The following SRP72 variants were observed in gnomAD, a reference collection of about 807,000 sequenced individuals.
The protein encoded by SRP72 is signal recognition particle 72, also known as signal recognition particle subunit SRP72.
In SRP72, 49 loss-of-function variants were observed where a neutral mutation model predicts 96.3. The observed-to-expected ratio is 0.51, with a 90% confidence interval of 0.40 to 0.65. The LOEUF (loss-of-function observed/expected upper bound fraction) is 0.65. Among genes scored for constraint, SRP72 ranks in the 30% least tolerant of loss-of-function variants. The probability of loss-of-function intolerance (pLI) is 0.00; values close to 1 mark genes in which losing one functional copy is unlikely to be tolerated. For missense variants in SRP72, 736 were observed against 793.3 expected (o/e 0.93, Z 0.87); for synonymous variants, 267 against 275.2 (o/e 0.97, Z 0.30).
chr4:56,502,841 C>A lies in SRP72; in HGVS notation c.*980C>A, dbSNP rs1721315644. On this transcript the variant is annotated 3_prime_UTR_variant, in exon 19 of 19. Coordinates refer to ENST00000642900, the MANE Select transcript of SRP72 (RefSeq NM_006947.4). Reference sequence around the variant, plus strand: ...GTCTCCTTCTGGTTATGGATTTTGACCATTGATTACCTTTCTCAATGTAAT... The same window carrying A: ...GTCTCCTTCTGGTTATGGATTTTGAACATTGATTACCTTTCTCAATGTAAT... 1 of 152,052 alleles carries A rather than the reference C, an allele frequency of 6.6e-6. No homozygotes were observed. The highest frequency in any genetic ancestry group is 6.6e-5 in the Admixed American group (1 of 15,256). The allele number at this position is 152,052 out of a possible 1,614,324, so 9.4% of individuals were successfully genotyped here. A position where few individuals can be genotyped will look rare whatever the true frequency, so the allele number is the denominator to read the frequency against.
intron 5 of SRP72, chr4:56,475,978 A>G (rs1720203717): frequency 1.3e-5 from 2 of 152,306 alleles, no homozygotes; most frequent in African/African-American, 4.8e-5. Flanking sequence ...TACAGTCACT[A>G]CAACCAATAA....
At chr4:56,497,497 G>A (rs1037673168) in intron 17 of SRP72, among the ~76,000 whole-genome samples, 1 of 152,052 alleles carries the variant, frequency 6.6e-6, no homozygotes, top group African/African-American at 2.4e-5. Context: ...GGGATTACAG[G>A]CGTGAGCCAC....
chr4:56,474,509 C>A, intron 5 of SRP72, 118 bp downstream of exon 5: 1 of 840,150 alleles, frequency 1.2e-6, no homozygotes, highest in Non-Finnish European at 1.8e-6. Context: ...GATGCAGTGA[C>A]AATTTCTCCA....
intron 16 of SRP72, among the ~76,000 whole-genome samples, chr4:56,494,831 A>T (rs796148649): frequency 5.3e-5 from 8 of 152,338 alleles, no homozygotes; most frequent in African/African-American, 1.9e-4. Flanking sequence ...CAGGTTTAAA[A>T]TACAAAAGAT....
chr4:56,487,957 T>G lies in SRP72; in HGVS notation c.1168T>G (p.Ser390Ala). 1 of 1,599,710 alleles carries G rather than the reference T, an allele frequency of 6.3e-7. No individual in the cohort carries two copies. The highest frequency in any genetic ancestry group is 8.5e-7 in the Non-Finnish European group (1 of 1,175,442). The change falls in exon 12 of 19, where the codon TCT (serine) becomes GCT (alanine). Residue 390 changes from serine to alanine, a missense_variant. By Grantham distance (99) the Ser-to-Ala change is moderately conservative. This residue lies in a region of SRP72 where 388 missense variants were observed against 431.8 expected (regional missense o/e 0.90). Coordinates refer to ENST00000642900, the MANE Select transcript of SRP72 (RefSeq NM_006947.4). ...TTGTTTATTCTCCTAAGGTAATATT[T>G]CTAAAGCATGTCTAATATTGAGAAG... Reference protein sequence around the residue: ...AQLKISQGNISKACLILRSIE... With the variant: ...AQLKISQGNIAKACLILRSIE...
intron 3 of SRP72, 47 bp downstream of exon 3, chr4:56,471,890 A>G (rs1719994175): frequency 1.2e-6 from 2 of 1,606,214 alleles, no homozygotes; most frequent in Non-Finnish European, 1.7e-6. Flanking sequence ...CTGAGTGAGC[A>G]TGACTACCTC....
chr4:56,489,085 T>G (rs369486797), intron 12 of SRP72: 1 of 225,548 alleles, frequency 4.4e-6, no homozygotes, highest in Non-Finnish European at 8.7e-6. Context: ...CAGTGTCTTA[T>G]TGTAGAAACA....
chr4:56,476,596 T>A, intron 5 of SRP72, 75 bp from the exon 6 acceptor site: 1 of 1,486,276 alleles, frequency 6.7e-7, no homozygotes, highest in Non-Finnish European at 9.3e-7. Flanking sequence ...GGAATTTAGA[T>A]CTTGCTCTTT....
At chr4:56,485,673 A>G (rs1274192029) in intron 10 of SRP72, among the ~76,000 whole-genome samples, 1 of 152,038 alleles carries the variant, frequency 6.6e-6, no homozygotes, top group African/African-American at 2.4e-5. Flanking sequence ...ATGGTGGCGC[A>G]TTCCTGTAAT....
chr4:56,491,079 G>A (rs1351062343), intron 15 of SRP72, among the ~76,000 whole-genome samples: 1 of 152,160 alleles, frequency 6.6e-6, no homozygotes. Flanking sequence ...ATCAGAGTGT[G>A]TTCCCAAAAC....
rs758030928 is a variant in SRP72 at position 56,467,651 on chromosome 4, A to C, written c.16A>C (p.Ser6Arg). MASGGSGGVSVPALWS... is the reference protein window; with the variant it reads MASGGRGGVSVPALWS... Reference sequence around the variant, plus strand: ...CTCCTCCAAGATGGCGAGCGGCGGCAGCGGGGGGGTGTCAGTACCTGCGCT... The same window carrying C: ...CTCCTCCAAGATGGCGAGCGGCGGCCGCGGGGGGGTGTCAGTACCTGCGCT... Residue 6 changes from serine (S) to arginine (R), a missense_variant, in exon 1 of 19, where the codon AGC (serine) becomes CGC (arginine). Ser to Arg is a moderately radical substitution (Grantham distance 110, BLOSUM62 -1). This residue lies in a region of SRP72 where 329 missense variants were observed against 319.0 expected (regional missense o/e 1.03). Transcript: ENST00000642900. 6 of 1,558,992 alleles carry C rather than the reference A, an allele frequency of 3.8e-6. No homozygotes were observed. The South Asian group carries it at 7.0e-5, about 18-fold the overall frequency.
chr4:56,468,724 G>A (rs911100106), intron 1 of SRP72, among the ~76,000 whole-genome samples: 2 of 152,142 alleles, frequency 1.3e-5, no homozygotes, highest in Non-Finnish European at 2.9e-5. Flanking sequence ...TTCAGACATT[G>A]AGGAAAATAG....
intron 17 of SRP72, among the ~76,000 whole-genome samples, chr4:56,495,716 T>C (rs1386023431): frequency 6.6e-6 from 1 of 152,198 alleles, no homozygotes; most frequent in East Asian, 1.9e-4. Context: ...GTAAAGTTCT[T>C]AGAGTGGTGC....
At chr4:56,483,447 T>C (rs1476930183) in intron 9 of SRP72, among the ~76,000 whole-genome samples, 177 bp downstream of exon 9, 1 of 152,166 alleles carries the variant, frequency 6.6e-6, no homozygotes, top group Non-Finnish European at 1.5e-5. Flanking sequence ...GCACAATGGC[T>C]CATGCCTGTA....
In SRP72 at chr4:56,502,069, A is replaced by G. The variant is rs906422954; in HGVS notation, c.*208A>G. On this transcript the variant is annotated 3_prime_UTR_variant, in exon 19 of 19. Coordinates refer to ENST00000642900, the MANE Select transcript of SRP72 (RefSeq NM_006947.4). ...GTTGCCTCATAGCTTTGTACAGATT[A>G]TGAGGACTGAAAATAATTGGGCATT... 2.9e-5 allele frequency: 16 copies of G among 548,040 alleles called. No individual in the cohort carries two copies. The African/African-American group carries it at 3.0e-4, about 10-fold the overall frequency. 33.9% of individuals were successfully genotyped at this position (548,040 alleles called of 1,614,324 possible).
chr4:56,479,636 T>C (rs572052885), intron 8 of SRP72, among the ~76,000 whole-genome samples: 25 of 150,038 alleles, frequency 1.7e-4, no homozygotes, highest in African/African-American at 5.9e-4. Context: ...CACACCACCA[T>C]GCCCGGCTAA....
In SRP72 at chr4:56,483,183, T is replaced by C. The variant is rs1720568348; in HGVS notation, c.870T>C (p.Asn290=). Residue 290 remains asparagine (N), a synonymous_variant, in exon 9 of 19, where the codon AAT becomes AAC. Transcript: ENST00000642900. The part of the protein sequence containing the change: ...FDSKKKVKLT[N]AEGVEFKLSK... ...CCAAGAAGAAAGTGAAATTAACCAATGCGGAAGGAGTAGAGTTTAAGCTTT... is the reference window on the plus strand; with the variant it reads ...CCAAGAAGAAAGTGAAATTAACCAACGCGGAAGGAGTAGAGTTTAAGCTTT... 14 of 1,611,908 alleles carry C rather than the reference T, an allele frequency of 8.7e-6. No homozygotes were observed. Among genetic ancestry groups the C allele is most frequent in the Non-Finnish European group, 1.2e-5 (14 of 1,179,762 alleles).
Position 56,489,432 on chromosome 4 carries a change from T to C in SRP72, c.1269T>C (p.Asp423=), listed in dbSNP as rs372488011. The C allele has an allele frequency of 1.9e-6, 3 of 1,603,346 alleles. No individual in the cohort carries two copies. The highest frequency in any genetic ancestry group is 2.6e-6 in the Non-Finnish European group (3 of 1,172,766). Residue 423 remains aspartate, a synonymous_variant, in exon 13 of 19, where the codon GAT becomes GAC. Transcript: ENST00000642900. ...TGTATAGCCATGAAGAAGATATTGA[T>C]AGTGCCATTGAGGTCTTCACACAAG... The part of the protein sequence containing the change: ...VTMYSHEEDI[D]SAIEVFTQAI...
At chr4:56,470,350 G>C (rs10866433) in intron 2 of SRP72, among the ~76,000 whole-genome samples, 55,515 of 151,928 alleles carry the variant, frequency 0.37, 10,776 homozygotes, top group East Asian at 0.66. Context: ...ACCAGACCGA[G>C]CAATATGGTG....
Sources: allele counts gnomAD v4.1 joint callset (sites outside exome capture counted in the v4.1 genomes callset), GRCh38; gene constraint gnomAD v4.1.1; regional missense constraint gnomAD v4.1.1; transcripts MANE v1.5; gene names NCBI Gene and HGNC (gene_info 2026-07-23, HGNC 2026-07-21).